PHC3: variants seen among roughly 807,000 people sequenced by gnomAD.
PHC3 encodes polyhomeotic-like protein 3.
In PHC3, 13 loss-of-function variants were observed where a neutral mutation model predicts 107.4. That is an observed-to-expected ratio of 0.12 (90% confidence interval 0.08 to 0.19). The LOEUF (loss-of-function observed/expected upper bound fraction) is 0.19, where lower values mean the gene tolerates loss of function less well. Ranked by LOEUF, PHC3 falls within the 10% of genes least tolerant of loss-of-function variation. The pLI is 1.00. For synonymous variants in PHC3, 456 were observed against 427.4 expected (o/e 1.07, Z -0.83); for missense variants, 992 against 1,210.9 (o/e 0.82, Z 2.68).
chr3:170,133,692 C>T (rs2108494299), intron 7 of PHC3, among the ~76,000 whole-genome samples: 1 of 152,154 alleles, frequency 6.6e-6, no homozygotes. Context: ...TAAAACTGAC[C>T]TGAGACTCTG....
intron 1 of PHC3, among the ~76,000 whole-genome samples, chr3:170,180,335 G>C (rs1438729005): frequency 6.6e-6 from 1 of 152,092 alleles, no homozygotes; most frequent in African/African-American, 2.4e-5. Flanking sequence ...TGTGGTCCCA[G>C]CAACTTGAGA....
chr3:170,128,485 A>C, intron 8 of PHC3, 199 bp downstream of exon 8: 1 of 1,167,304 alleles, frequency 8.6e-7, no homozygotes, highest in Non-Finnish European at 1.2e-6. Flanking sequence ...ACAAATTATA[A>C]AGCATGCAAC....
chr3:170,149,240 T>A lies in PHC3; in HGVS notation c.419A>T (p.Asn140Ile). 1 of 1,608,932 alleles carries A rather than the reference T, an allele frequency of 6.2e-7. No homozygotes were observed. The highest frequency in any genetic ancestry group is 8.5e-7 in the Non-Finnish European group (1 of 1,177,904). ...TGCAGGTGTAGGAGAAGTGGAGAGG[T>A]TGATCTAAGGAAGAAAACATATTAG... ...QQSSMSQTSI[N>I]LSTSPTPAQL... Residue 140 changes from asparagine (N) to isoleucine (I), a missense_variant, in exon 5 of 15, where the codon AAC becomes ATC. Asn to Ile is a moderately radical substitution (Grantham distance 149, BLOSUM62 -3). Around this residue, in one of 6 missense-constraint regions of PHC3, gnomAD observed 161 missense variants for 183.7 expected, o/e 0.88. Transcript: ENST00000495893.
intron 6 of PHC3, 45 bp from the exon 7 acceptor site, chr3:170,136,710 T>C (rs770884319): frequency 1.8e-5 from 29 of 1,587,366 alleles, no homozygotes; most frequent in Non-Finnish European, 2.4e-5. Context: ...CAGATGGTTT[T>C]AATTGATGTG....
At chr3:170,132,259 T>C (rs937846455) in intron 7 of PHC3, among the ~76,000 whole-genome samples, 1 of 152,198 alleles carries the variant, frequency 6.6e-6, no homozygotes, top group African/African-American at 2.4e-5. Flanking sequence ...ATGAAGGTGA[T>C]AGGGTACTAT....
In PHC3 at chr3:170,105,056, T is replaced by TGC. The variant is rs1350669027; in HGVS notation, c.2468+1774_2468+1775dup. On this transcript the variant is annotated intron_variant, in intron 12 of 14. Transcript: ENST00000495893. ...CATTTCCCTGTTAGGGCCCCTACCC[T>TGC]GCTAAAGAGGTTCATCGAAAGGATA... 7.9e-5 allele frequency among the ~76,000 whole-genome samples: 12 copies of TGC among 152,194 alleles called. No individual in the cohort carries two copies. The East Asian group carries it at 2.3e-3, about 29-fold the overall frequency.
intron 6 of PHC3, among the ~76,000 whole-genome samples, chr3:170,141,384 C>T (rs773063972): frequency 1.2e-4 from 18 of 152,192 alleles, no homozygotes; most frequent in Non-Finnish European, 1.8e-4. Flanking sequence ...GAATTAAGTC[C>T]GATCACAGAG....
intron 7 of PHC3, among the ~76,000 whole-genome samples, chr3:170,133,004 T>G (rs989856304): frequency 3.3e-5 from 5 of 152,146 alleles, no homozygotes; most frequent in African/African-American, 9.7e-5. Context: ...CAAGTTACTT[T>G]GGCACCCTAA....
At chr3:170,121,656 G>C (rs1720345427) in intron 9 of PHC3, among the ~76,000 whole-genome samples, 1 of 152,082 alleles carries the variant, frequency 6.6e-6, no homozygotes, top group Admixed American at 6.5e-5. Flanking sequence ...GCACCAAGAA[G>C]TCCAGGTAAG....
At chr3:170,105,661 T>C (rs1343996143) in intron 12 of PHC3, among the ~76,000 whole-genome samples, 2 of 152,192 alleles carry the variant, frequency 1.3e-5, no homozygotes, top group African/African-American at 4.8e-5. Flanking sequence ...GCTAGAACCA[T>C]TCCAATTCTC....
At chr3:170,119,502 G>A (rs1719772945) in intron 9 of PHC3, among the ~76,000 whole-genome samples, 1 of 152,078 alleles carries the variant, frequency 6.6e-6, no homozygotes, top group Non-Finnish European at 1.5e-5. Flanking sequence ...CTAACTTTTT[G>A]AAGATGGTAA....
At chr3:170,134,623 A>G (rs966845994) in intron 7 of PHC3, among the ~76,000 whole-genome samples, 1 of 151,464 alleles carries the variant, frequency 6.6e-6, no homozygotes, top group Non-Finnish European at 1.5e-5. Flanking sequence ...TCCAAGTGGG[A>G]AAAAAAAATG....
chr3:170,111,427 A>T (rs1311513842), intron 11 of PHC3, among the ~76,000 whole-genome samples: 1 of 151,626 alleles, frequency 6.6e-6, no homozygotes, highest in African/African-American at 2.4e-5. Context: ...GAAAGAAGGA[A>T]GGAGAAAGAA....
chr3:170,167,984 G>A (rs977995766), intron 4 of PHC3, among the ~76,000 whole-genome samples: 1 of 151,838 alleles, frequency 6.6e-6, no homozygotes, highest in Non-Finnish European at 1.5e-5. Context: ...AACACAGCGA[G>A]ACCTCAACTC....
chr3:170,173,221 G>C (rs1193229718), intron 2 of PHC3, among the ~76,000 whole-genome samples: 1 of 151,068 alleles, frequency 6.6e-6, no homozygotes, highest in East Asian at 1.9e-4. Context: ...ACAAAACCCA[G>C]TGGACAATTC....
At chr3:170,157,068 T>C (rs1037403859) in intron 4 of PHC3, among the ~76,000 whole-genome samples, 17 of 152,200 alleles carry the variant, frequency 1.1e-4, no homozygotes, top group African/African-American at 3.6e-4. Context: ...AAACTTGCAA[T>C]GTCAGAACAA....
At chr3:170,150,308 ATAC>A (rs1439747214) in intron 4 of PHC3, among the ~76,000 whole-genome samples, 7 of 152,286 alleles carry the variant, frequency 4.6e-5, no homozygotes, top group Non-Finnish European at 5.9e-5. Context: ...GCAAAAGAAA[ATAC>A]TACTTCTCAA....
intron 12 of PHC3, 122 bp from the exon 13 acceptor site, chr3:170,103,056 T>G: frequency 1.0e-6 from 1 of 981,738 alleles, no homozygotes; most frequent in East Asian, 2.6e-5. Context: ...TTAATGAATG[T>G]AAGACCTCAT....
chr3:170,159,251 C>CAAAAA (rs1278767405), intron 4 of PHC3, among the ~76,000 whole-genome samples: 4 of 69,556 alleles, frequency 5.8e-5, no homozygotes, highest in Non-Finnish European at 9.2e-5. Flanking sequence ...GACTCGGTCT[C>CAAAAA]AAAAAAAAAA....
Sources: allele counts gnomAD v4.1 joint callset (sites outside exome capture counted in the v4.1 genomes callset), GRCh38; gene constraint gnomAD v4.1.1; regional missense constraint gnomAD v4.1.1; transcripts MANE v1.5; gene names NCBI Gene and HGNC (gene_info 2026-07-23, HGNC 2026-07-21).